WWC2: variants seen among roughly 807,000 people sequenced by gnomAD.
WWC2 encodes WW and C2 domain containing 2.
In WWC2, 101 loss-of-function variants were observed where a neutral mutation model predicts 138.5. The observed-to-expected ratio is 0.73, with a 90% confidence interval of 0.62 to 0.86. The LOEUF (loss-of-function observed/expected upper bound fraction) is 0.86. Among genes scored for constraint, WWC2 ranks in the 40% least tolerant of loss-of-function variants. The pLI is 0.00. For synonymous variants in WWC2, 558 were observed against 538.4 expected, an observed-to-expected ratio of 1.04 and a Z score of -0.50; for missense variants, 1,420 against 1,419.4, an observed-to-expected ratio of 1.00 and a Z score of -0.01.
In WWC2 at chr4:183,261,200, C is replaced by G. The variant is rs1219229172; in HGVS notation, c.1577C>G (p.Ala526Gly). ...GGCCAGAGTGGACTCTGTGGAGTGG[C>G]AGCTGCAGCAACAGGCCACACTCCT... ...QPGQSGLCGV[A>G]AAATGHTPPL... The change falls in exon 11 of 23, where the codon GCA (alanine) becomes GGA (glycine). Residue 526 changes from alanine (A) to glycine (G), a missense_variant. By Grantham distance (60) the Ala-to-Gly change is moderately conservative. Transcript: ENST00000403733. The G allele has an allele frequency of 6.2e-7, 1 of 1,613,192 alleles. No individual in the cohort carries two copies. Among genetic ancestry groups the G allele is most frequent in the African/African-American group, 1.3e-5 (1 of 75,044 alleles).
chr4:183,278,063 C>T (rs2111395756), intron 16 of WWC2, among the ~76,000 whole-genome samples: 1 of 152,152 alleles, frequency 6.6e-6, no homozygotes, highest in South Asian at 2.1e-4. Context: ...ATGCCTATGT[C>T]CTGAATGGTA....
In WWC2 at chr4:183,320,258, C is replaced by T; in HGVS notation, c.*4529C>T. 6.4e-7 allele frequency: 1 copy of T among 1,550,818 alleles called. No homozygotes were observed. ...AGCTTTAGCCAAACTAACTCCTGCC[C>T]TTCGGTTGCTGTGAAAAGAAGTGTG... On this transcript the variant is annotated 3_prime_UTR_variant, in exon 23 of 23. Coordinates refer to ENST00000403733, the MANE Select transcript of WWC2 (RefSeq NM_024949.6).
At chr4:183,250,647 C>A (rs1438242623) in intron 8 of WWC2, among the ~76,000 whole-genome samples, 3 of 152,042 alleles carry the variant, frequency 2.0e-5, no homozygotes, top group African/African-American at 7.3e-5. Flanking sequence ...AGTAGATAGA[C>A]TCAAATACTT....
intron 1 of WWC2, among the ~76,000 whole-genome samples, chr4:183,108,956 G>A (rs1732135439): frequency 6.6e-6 from 1 of 152,164 alleles, no homozygotes. Context: ...CATACCAACA[G>A]GGAAAAGTAA....
intron 1 of WWC2, among the ~76,000 whole-genome samples, chr4:183,171,556 A>G (rs189426693): frequency 6.6e-6 from 1 of 152,318 alleles, no homozygotes; most frequent in African/African-American, 2.4e-5. Context: ...ATGGTAGGGA[A>G]ACTTTTCTGA....
chr4:183,313,131 G>A (rs1739318793), intron 22 of WWC2, among the ~76,000 whole-genome samples: 1 of 152,166 alleles, frequency 6.6e-6, no homozygotes, highest in African/African-American at 2.4e-5. Context: ...ATTGAGGCGG[G>A]AAGAACAGCA....
At chr4:183,315,086 G>A (rs1246295610) in intron 22 of WWC2, among the ~76,000 whole-genome samples, 1 of 152,220 alleles carries the variant, frequency 6.6e-6, no homozygotes, top group South Asian at 2.1e-4. Flanking sequence ...CGCACTGTTT[G>A]TCTTTTTTTT....
intron 2 of WWC2, among the ~76,000 whole-genome samples, chr4:183,195,758 C>T (rs1180994804): frequency 6.6e-6 from 1 of 152,202 alleles, no homozygotes; most frequent in Non-Finnish European, 1.5e-5. Context: ...CTTCCCTTCA[C>T]AGCCAGACTT....
intron 1 of WWC2, among the ~76,000 whole-genome samples, chr4:183,121,162 A>G (rs72691690): frequency 0.058 from 8,842 of 151,664 alleles, 408 homozygotes; most frequent in African/African-American, 0.12. Flanking sequence ...TGGTGATCCT[A>G]CCACTGCACT....
intron 22 of WWC2, 72 bp downstream of exon 22, chr4:183,312,540 T>C: frequency 6.3e-7 from 1 of 1,592,380 alleles, no homozygotes; most frequent in South Asian, 1.1e-5. Flanking sequence ...TTCACCTCAG[T>C]GCAGTGAAAG....
chr4:183,284,707 T>G (rs1738190861), intron 19 of WWC2, among the ~76,000 whole-genome samples: 1 of 152,210 alleles, frequency 6.6e-6, no homozygotes, highest in South Asian at 2.1e-4. Context: ...AAGTGGTTTT[T>G]TGAGATACAT....
At position 183,319,572 on chromosome 4, in the gene WWC2, GTGTT is replaced by G; in HGVS notation, c.*3845_*3848del. On this transcript the variant is annotated 3_prime_UTR_variant, in exon 23 of 23. Coordinates refer to ENST00000403733, the MANE Select transcript of WWC2 (RefSeq NM_024949.6). ...CTTTCTGGCTTAGTGTTTCAGGTTG[GTGTT>G]TCTCGTCTCCAGTTCTTGATGATGA... 1 of 1,612,166 alleles carries G rather than the reference GTGTT, an allele frequency of 6.2e-7. No individual in the cohort carries two copies. The highest frequency in any genetic ancestry group is 1.3e-5 in the African/African-American group (1 of 74,970).
intron 4 of WWC2, among the ~76,000 whole-genome samples, chr4:183,220,032 A>G (rs1462525113): frequency 6.6e-6 from 1 of 152,174 alleles, no homozygotes; most frequent in Non-Finnish European, 1.5e-5. Flanking sequence ...AAAGCATAAG[A>G]GGGTTTAAAT....
In WWC2 at chr4:183,319,384, T is replaced by C. The variant is rs556367577; in HGVS notation, c.*3655T>C. 3 of 724,106 alleles carry C rather than the reference T, an allele frequency of 4.1e-6. No homozygotes were observed. In the South Asian group the frequency reaches 5.8e-5, roughly 14 times the overall value. 44.9% of individuals were successfully genotyped at this position (724,106 alleles called of 1,614,324 possible). On this transcript the variant is annotated 3_prime_UTR_variant, in exon 23 of 23. Transcript: ENST00000403733. ...GTCTTGATTGATTTTGGTCTCAGAC[T>C]AGAAGATAAAAATGGTTTACCAGTC...
intron 2 of WWC2, among the ~76,000 whole-genome samples, chr4:183,207,720 A>G (rs1735484988): frequency 6.6e-6 from 1 of 152,168 alleles, no homozygotes; most frequent in South Asian, 2.1e-4. Context: ...GATTGACAAC[A>G]TTGTGTGTGG....
intron 21 of WWC2, among the ~76,000 whole-genome samples, chr4:183,292,237 TACACACAA>T (rs1438641892): frequency 2.6e-5 from 4 of 151,142 alleles, no homozygotes; most frequent in South Asian, 2.1e-4. Context: ...AATAAATGCA[TACACACAA>T]ACACACAGAC....
At chr4:183,274,040 G>C (rs1193471681) in intron 16 of WWC2, among the ~76,000 whole-genome samples, 1 of 152,014 alleles carries the variant, frequency 6.6e-6, no homozygotes, top group Non-Finnish European at 1.5e-5. Context: ...CAAGTGTGAG[G>C]GTTTATATTT....
intron 1 of WWC2, among the ~76,000 whole-genome samples, chr4:183,188,392 C>G (rs986087092): frequency 6.6e-6 from 1 of 151,986 alleles, no homozygotes; most frequent in African/African-American, 2.4e-5. Context: ...TGCCCACCAC[C>G]ACACCTGGCT....
chr4:183,247,520 CTA>C (rs987622863), intron 6 of WWC2, among the ~76,000 whole-genome samples: 3 of 135,890 alleles, frequency 2.2e-5, no homozygotes, highest in African/African-American at 6.1e-5. Flanking sequence ...ATACACTATA[CTA>C]TATATATACT....
Sources: allele counts gnomAD v4.1 joint callset (sites outside exome capture counted in the v4.1 genomes callset), GRCh38; gene constraint gnomAD v4.1.1; transcripts MANE v1.5; gene names NCBI Gene and HGNC (gene_info 2026-07-23, HGNC 2026-07-21).